NPAS2: variants seen among roughly 807,000 people sequenced by gnomAD.
NPAS2 encodes the protein neuronal PAS domain-containing protein 2.
A neutral mutation model predicts 107.5 loss-of-function variants in NPAS2; 23 were observed. The observed-to-expected ratio is 0.21, with a 90% CI of 0.15 to 0.30. The LOEUF (loss-of-function observed/expected upper bound fraction) is 0.30. NPAS2 is among the 10% of genes least tolerant of loss of function. The probability of loss-of-function intolerance (pLI) is 1.00; values close to 1 mark genes in which losing one functional copy is unlikely to be tolerated. For missense variants in NPAS2, 756 were observed against 1,043.3 expected, an observed-to-expected ratio of 0.72 and a Z score of 3.79; for synonymous variants, 403 against 417.5, an observed-to-expected ratio of 0.97 and a Z score of 0.42.
At chr2:100,890,829 C>T (rs542644932) in intron 1 of NPAS2, among the ~76,000 whole-genome samples, 1 of 152,278 alleles carries the variant, frequency 6.6e-6, no homozygotes, top group Non-Finnish European at 1.5e-5. Flanking sequence ...CCCCTTGCAG[C>T]CCGTGAGCTT....
At position 100,937,939 on chromosome 2, in the gene NPAS2, G is replaced by A. The variant is rs1353033345; in HGVS notation, c.363+97G>A. On this transcript the variant is annotated intron_variant, in intron 5 of 20. Transcript: ENST00000335681. Reference sequence around the variant, plus strand: ...ATGGAAGGTGGTGCAGGTGTCAGGGGGCTGCAGGTGAGAAGAGGGCGGAGA... The same window carrying A: ...ATGGAAGGTGGTGCAGGTGTCAGGGAGCTGCAGGTGAGAAGAGGGCGGAGA... 6 of 987,880 alleles carry A rather than the reference G, an allele frequency of 6.1e-6. No homozygotes were observed. The African/African-American group carries it at 9.5e-5, about 16-fold the overall frequency. The allele number at this position is 987,880 out of a possible 1,614,324, so 61.2% of individuals were successfully genotyped here. A position where few individuals can be genotyped will look rare whatever the true frequency, so the allele number is the denominator to read the frequency against.
intron 3 of NPAS2, among the ~76,000 whole-genome samples, chr2:100,928,455 G>A (rs193105557): frequency 1.3e-5 from 2 of 150,904 alleles, no homozygotes; most frequent in Non-Finnish European, 2.9e-5. Context: ...CATTTATGCC[G>A]GGCTCTGTCC....
intron 2 of NPAS2, among the ~76,000 whole-genome samples, chr2:100,905,491 G>A (rs748451451): frequency 1.3e-5 from 2 of 151,868 alleles, no homozygotes; most frequent in Non-Finnish European, 2.9e-5. Flanking sequence ...AGTTTCACAC[G>A]ATTCACCCAA....
Position 100,995,858 on chromosome 2 carries a change from G to T in NPAS2, c.*276G>T. 1.3e-6 allele frequency: 2 copies of T among 1,509,518 alleles called. No individual in the cohort carries two copies. The highest frequency in any genetic ancestry group is 1.8e-6 in the Non-Finnish European group (2 of 1,121,940). 93.5% of individuals were successfully genotyped at this position (1,509,518 alleles called of 1,614,324 possible). ...CCAGGTGCCCCGTGTAGGCATCGTC[G>T]GTCGGTTTGCCGTCAGAGATGGCGC... is the stretch of plus-strand genomic sequence containing the variant. On this transcript the variant is annotated 3_prime_UTR_variant, in exon 21 of 21. Coordinates refer to ENST00000335681, the MANE Select transcript of NPAS2 (RefSeq NM_002518.4).
chr2:100,895,355 T>C lies in NPAS2; in HGVS notation c.-22-9378T>C, dbSNP rs6751664. Among the ~76,000 whole-genome samples the C allele has an allele frequency of 3.0e-3, 456 of 152,360 alleles. 4 individuals carry two copies. The highest frequency in any genetic ancestry group is 0.01 in the Middle Eastern group (3 of 294). On this transcript the variant is annotated intron_variant, in intron 1 of 20. Coordinates refer to ENST00000335681, the MANE Select transcript of NPAS2 (RefSeq NM_002518.4). ...CACAGCCAAACAGTGAGAAAAGCTC[T>C]TCTGTTCTCTCACTTTGCAGTTGGG...
chr2:100,845,478 A>G (rs577146292), intron 1 of NPAS2, among the ~76,000 whole-genome samples: 1 of 152,296 alleles, frequency 6.6e-6, no homozygotes, highest in African/African-American at 2.4e-5. Context: ...AGAACAAACA[A>G]CAGACCCAGC....
chr2:100,945,880 C>T lies in NPAS2; in HGVS notation c.364-2355C>T, dbSNP rs753756951. On this transcript the variant is annotated intron_variant, in intron 5 of 20. Transcript: ENST00000335681. ...GCAGCACACCATCCACAGTGTTCTC[C>T]GGGCACCTTGTTTTAATGCCTGTCA... 3.3e-5 allele frequency among the ~76,000 whole-genome samples: 5 copies of T among 152,278 alleles called. No individual in the cohort carries two copies. In the East Asian group the frequency reaches 7.7e-4, roughly 24 times the overall value.
rs1449632023 is a variant in NPAS2 at position 100,982,389 on chromosome 2, C to T, written c.1629+12C>T. Reference sequence around the variant, plus strand: ...ACTCCAACGTCCAGGTGATCCCCTTCCCGGGCTGGCCTCTGTCCCTGCTGC... The same window carrying T: ...ACTCCAACGTCCAGGTGATCCCCTTTCCGGGCTGGCCTCTGTCCCTGCTGC... On this transcript the variant is annotated intron_variant, in intron 16 of 20. Coordinates refer to ENST00000335681, the MANE Select transcript of NPAS2 (RefSeq NM_002518.4). 1.2e-6 allele frequency: 2 copies of T among 1,612,842 alleles called. No individual in the cohort carries two copies. Among genetic ancestry groups the T allele is most frequent in the African/African-American group, 2.7e-5 (2 of 74,932 alleles).
At chr2:100,904,277 G>C (rs1681988200) in intron 1 of NPAS2, among the ~76,000 whole-genome samples, 1 of 152,244 alleles carries the variant, frequency 6.6e-6, no homozygotes, top group African/African-American at 2.4e-5. Flanking sequence ...CCTAAGGCTT[G>C]AGAGGAACAG....
Position 100,993,409 on chromosome 2 carries a change from C to A in NPAS2, c.2174C>A (p.Ala725Asp), listed in dbSNP as rs1204687554. The A allele has an allele frequency of 2.5e-6, 4 of 1,612,844 alleles. No individual in the cohort carries two copies. The highest frequency in any genetic ancestry group is 2.5e-6 in the Non-Finnish European group (3 of 1,179,166). Residue 725 changes from alanine (A) to aspartate (D), a missense_variant, in exon 20 of 21, where the codon GCC becomes GAC. Physicochemically the swap from Ala to Asp is moderately radical, Grantham distance 126 (BLOSUM62 -2). Coordinates refer to ENST00000335681, the MANE Select transcript of NPAS2 (RefSeq NM_002518.4). ...GCACACCCCGCCAACAGCAGCAGCG[C>A]CCCGATGCCCGTCCTGCTGATGGGG... is the stretch of plus-strand genomic sequence containing the variant. ...PDAHPANSSS[A>D]PMPVLLMGQA...
In NPAS2 at chr2:100,870,370, G is replaced by A. The variant is rs191837084; in HGVS notation, c.-22-34363G>A. Among the ~76,000 whole-genome samples, 3 of 152,124 alleles carry A rather than the reference G, an allele frequency of 2.0e-5. No individual in the cohort carries two copies. In the East Asian group the frequency reaches 5.8e-4, roughly 30 times the overall value. ...GGGGCCCCATCTTTTTTCTTACAGG[G>A]ACCAACTTCTCTGCTTAGTTCTCAC... On this transcript the variant is annotated intron_variant, in intron 1 of 20. Transcript: ENST00000335681.
At chr2:100,962,258 C>A (rs1675956777) in intron 7 of NPAS2, among the ~76,000 whole-genome samples, 1 of 151,984 alleles carries the variant, frequency 6.6e-6, no homozygotes, top group African/African-American at 2.4e-5. Flanking sequence ...TGAATTTATT[C>A]ATGTTAGTGG....
intron 5 of NPAS2, among the ~76,000 whole-genome samples, chr2:100,939,345 G>A (rs544253599): frequency 1.3e-4 from 20 of 152,244 alleles, no homozygotes; most frequent in African/African-American, 4.1e-4. Flanking sequence ...TTCCTAAAAC[G>A]AGGGTGCATC....
intron 1 of NPAS2, among the ~76,000 whole-genome samples, chr2:100,867,595 T>C (rs184620007): frequency 3.3e-5 from 5 of 152,354 alleles, no homozygotes; most frequent in Admixed American, 3.3e-4. Flanking sequence ...CAGATGTGTT[T>C]CTTGAGAACA....
intron 1 of NPAS2, among the ~76,000 whole-genome samples, chr2:100,881,145 A>G (rs575646908): frequency 6.6e-6 from 1 of 152,326 alleles, no homozygotes; most frequent in East Asian, 1.9e-4. Context: ...TCTTAGCTTT[A>G]GGTGGAAACA....
chr2:100,833,648 C>G (rs1269092612), intron 1 of NPAS2, among the ~76,000 whole-genome samples: 3 of 152,282 alleles, frequency 2.0e-5, no homozygotes, highest in African/African-American at 7.2e-5. Flanking sequence ...TTTATAAGAG[C>G]AAAGTACCCT....
At chr2:100,959,583 AT>A (rs1316053957) in intron 7 of NPAS2, among the ~76,000 whole-genome samples, 1 of 152,124 alleles carries the variant, frequency 6.6e-6, no homozygotes, top group Admixed American at 6.5e-5. Flanking sequence ...GCAGAAAGTT[AT>A]TTTCCCCTCA....
At position 100,848,413 on chromosome 2, in the gene NPAS2, T is replaced by C. The variant is rs530921341; in HGVS notation, c.-23+27999T>C. On this transcript the variant is annotated intron_variant, in intron 1 of 20. Transcript: ENST00000335681. ...TATAGGAAAGATCTGGATGAAGCCT[T>C]GAGTGTTTGCCTTTCTGGGATCCAA... Among the ~76,000 whole-genome samples, 6 of 152,294 alleles carry C rather than the reference T, an allele frequency of 3.9e-5. No individual in the cohort carries two copies. The South Asian group carries it at 1.2e-3, about 32-fold the overall frequency.
At position 100,932,992 on chromosome 2, in the gene NPAS2, G is replaced by A; in HGVS notation, c.264G>A (p.Leu88=). 6.2e-7 allele frequency: 1 copy of A among 1,611,970 alleles called. No individual in the cohort carries two copies. Among genetic ancestry groups the A allele is most frequent in the African/African-American group, 1.3e-5 (1 of 74,998 alleles). ...SFLSNEEFTQ[L]MLEALDGFII... Reference sequence around the variant, plus strand: ...TCAGTAATGAAGAATTCACCCAGCTGATGTTGGAGGTGAAATGCACTTTCA... The same window carrying A: ...TCAGTAATGAAGAATTCACCCAGCTAATGTTGGAGGTGAAATGCACTTTCA... The change falls in exon 4 of 21, where the codon CTG becomes CTA. Residue 88 remains leucine, a synonymous_variant. Coordinates refer to ENST00000335681, the MANE Select transcript of NPAS2 (RefSeq NM_002518.4).
Sources: gnomAD v4.1 joint callset for allele counts (sites outside exome capture counted in the v4.1 genomes callset) on GRCh38, gnomAD v4.1.1 for gene constraint, MANE v1.5 for transcripts, NCBI Gene and HGNC (gene_info 2026-07-23, HGNC 2026-07-21) for gene names.